The following USH2A variants were observed in gnomAD, a reference collection of about 807,000 sequenced individuals.
USH2A encodes usherin.
In USH2A, 443 loss-of-function variants were observed where a neutral mutation model predicts 538.9. The ratio of observed to expected loss-of-function variants is 0.82; its 90% CI spans 0.76 to 0.89. USH2A has a LOEUF of 0.89. USH2A is among the 40% of genes least tolerant of loss of function. The pLI is 0.00. For missense variants in USH2A, 6,633 were observed against 6,324.8 expected (o/e 1.05, Z -1.65); for synonymous variants, 2,413 against 2,273.5 (o/e 1.06, Z -1.75).
At chr1:216,074,132 T>C (rs998369414) in intron 27 of USH2A, among the ~76,000 whole-genome samples, 16 of 152,304 alleles carry the variant, frequency 1.1e-4, no homozygotes, top group African/African-American at 3.8e-4. Flanking sequence ...GAATTTAGAG[T>C]ATTCACCACT....
intron 21 of USH2A, among the ~76,000 whole-genome samples, chr1:216,105,943 TC>T (rs1269260581): frequency 2.0e-5 from 3 of 151,752 alleles, no homozygotes; most frequent in Non-Finnish European, 3.0e-5. Flanking sequence ...TATTCTGCAA[TC>T]TTTCCAAGTT....
At chr1:215,803,810 G>T (rs1662410926) in intron 49 of USH2A, among the ~76,000 whole-genome samples, 1 of 152,048 alleles carries the variant, frequency 6.6e-6, no homozygotes, top group Non-Finnish European at 1.5e-5. Flanking sequence ...ACCCAAAAAA[G>T]AGCCCACACT....
intron 11 of USH2A, among the ~76,000 whole-genome samples, chr1:216,279,880 T>C (rs968530049): frequency 6.6e-6 from 1 of 152,050 alleles, no homozygotes; most frequent in Non-Finnish European, 1.5e-5. Flanking sequence ...CTCCCTACCT[T>C]ATCACCATCA....
Position 216,000,434 on chromosome 1 carries a change from T to A in USH2A, c.6454A>T (p.Thr2152Ser). ...TGTATAGTTCTAGAATCCAGGACAG[T>A]CAGAACTGGGGAATCCACGTGTTCT... ...PPEHVDSPVL[T>S]VLDSRTIHIQ... Residue 2152 changes from threonine to serine, a missense_variant, in exon 33 of 72, where the codon ACT becomes TCT. Thr to Ser is a moderately conservative substitution (Grantham distance 58). Transcript: ENST00000307340. 2.5e-6 allele frequency: 4 copies of A among 1,613,680 alleles called. No individual in the cohort carries two copies. Among genetic ancestry groups the A allele is most frequent in the Non-Finnish European group, 3.4e-6 (4 of 1,179,702 alleles).
At chr1:216,267,231 T>C (rs1571639936) in intron 11 of USH2A, among the ~76,000 whole-genome samples, 1 of 152,238 alleles carries the variant, frequency 6.6e-6, no homozygotes, top group East Asian at 1.9e-4. Flanking sequence ...TGTCAAATCC[T>C]GCTTGTATGT....
At chr1:216,332,396 G>A (rs1463240620) in intron 4 of USH2A, among the ~76,000 whole-genome samples, 2 of 152,120 alleles carry the variant, frequency 1.3e-5, no homozygotes, top group African/African-American at 4.8e-5. Flanking sequence ...CTTAAAAGGA[G>A]AAGATGTGAA....
intron 11 of USH2A, among the ~76,000 whole-genome samples, chr1:216,254,109 A>T (rs529579684): frequency 6.6e-6 from 1 of 152,362 alleles, no homozygotes; most frequent in Admixed American, 6.5e-5. Context: ...ACTCTGCCAC[A>T]AATTAATAAA....
intron 21 of USH2A, among the ~76,000 whole-genome samples, chr1:216,097,767 C>T (rs2032475110): frequency 6.6e-6 from 1 of 152,156 alleles, no homozygotes; most frequent in Non-Finnish European, 1.5e-5. Context: ...CACATACTAG[C>T]CCTGCATATC....
chr1:216,071,423 G>C (rs144844791), intron 29 of USH2A, among the ~76,000 whole-genome samples: 1 of 152,130 alleles, frequency 6.6e-6, no homozygotes, highest in Non-Finnish European at 1.5e-5. Context: ...TTATTAGTTC[G>C]GAAATGTGGT....
chr1:215,650,852 G>GA (rs1376124214), intron 64 of USH2A, 51 bp from the exon 65 acceptor site: 2 of 1,470,824 alleles, frequency 1.4e-6, no homozygotes, highest in Admixed American at 2.1e-5. Flanking sequence ...CCTAAGGCTG[G>GA]GAAAAAAAAA....
intron 38 of USH2A, among the ~76,000 whole-genome samples, chr1:215,926,711 G>A (rs927469443): frequency 3.5e-5 from 5 of 141,642 alleles, no homozygotes; most frequent in Middle Eastern, 3.9e-3. Flanking sequence ...TCCGCCTTTC[G>A]GGTTCAAGCG....
Position 215,674,921 on chromosome 1 carries a change from G to C in USH2A, c.12990C>G (p.Ser4330Arg). 1 of 1,614,158 alleles carries C rather than the reference G, an allele frequency of 6.2e-7. No homozygotes were observed. Among genetic ancestry groups the C allele is most frequent in the East Asian group, 2.2e-5 (1 of 44,878 alleles). Reference sequence around the variant, plus strand: ...CACTCGTGCAGGCTTGGAGTGCATAGCTATAGGTGGAAAAAGGAAGAAGCT... The same window carrying C: ...CACTCGTGCAGGCTTGGAGTGCATACCTATAGGTGGAAAAAGGAAGAAGCT... ...DEELLPFSTY[S>R]YALQACTSGG... The change falls in exon 63 of 72, where the codon AGC becomes AGG. Residue 4330 changes from serine (S) to arginine (R), a missense_variant. By Grantham distance (110) the Ser-to-Arg change is moderately radical. Coordinates refer to ENST00000307340, the MANE Select transcript of USH2A (RefSeq NM_206933.4).
At chr1:215,944,016 T>C (rs901294462) in intron 37 of USH2A, among the ~76,000 whole-genome samples, 2 of 152,170 alleles carry the variant, frequency 1.3e-5, no homozygotes, top group Admixed American at 1.3e-4. Flanking sequence ...ACATAGATTT[T>C]TAAATTAGCA....
chr1:216,137,152 G>A (rs2033502015), intron 21 of USH2A, among the ~76,000 whole-genome samples: 1 of 152,170 alleles, frequency 6.6e-6, no homozygotes, highest in Admixed American at 6.5e-5. Flanking sequence ...TAAAATTGCT[G>A]ACCCAATTCT....
At chr1:216,050,851 C>T (rs954466483) in intron 30 of USH2A, among the ~76,000 whole-genome samples, 16 of 151,614 alleles carry the variant, frequency 1.1e-4, no homozygotes, top group South Asian at 2.1e-4. Context: ...GTGATCCACC[C>T]GCCTCGGCCT....
chr1:215,811,076 C>T (rs531402933), intron 49 of USH2A, among the ~76,000 whole-genome samples: 2 of 152,270 alleles, frequency 1.3e-5, no homozygotes, highest in African/African-American at 4.8e-5. Context: ...AAAATTATGA[C>T]AGTGAAAGAA....
At chr1:216,208,840 C>T (rs532904110) in intron 15 of USH2A, among the ~76,000 whole-genome samples, 2 of 152,270 alleles carry the variant, frequency 1.3e-5, no homozygotes, top group East Asian at 3.9e-4. Flanking sequence ...CTAATTCCCC[C>T]AGCAATGCAT....
intron 47 of USH2A, among the ~76,000 whole-genome samples, chr1:215,837,633 A>AT (rs201650178): frequency 0.013 from 1,972 of 152,002 alleles, 51 homozygotes; most frequent in African/African-American, 0.045. Flanking sequence ...ATATAAATCA[A>AT]TTTTTTTTCA....
intron 11 of USH2A, among the ~76,000 whole-genome samples, chr1:216,277,788 C>T (rs1205744458): frequency 1.3e-5 from 2 of 151,908 alleles, no homozygotes; most frequent in Admixed American, 1.3e-4. Context: ...TCTTTTGGAC[C>T]AAAGCATTTT....
Sources: allele counts gnomAD v4.1 joint callset (sites outside exome capture counted in the v4.1 genomes callset), GRCh38; gene constraint gnomAD v4.1.1; transcripts MANE v1.5; gene names NCBI Gene and HGNC (gene_info 2026-07-23, HGNC 2026-07-21).